DCTN5: variants seen among roughly 807,000 people sequenced by gnomAD.
The protein encoded by DCTN5 is dynactin subunit 5.
A neutral mutation model predicts 23.5 loss-of-function variants in DCTN5; 14 were observed. The ratio of observed to expected loss-of-function variants is 0.60; its 90% CI spans 0.39 to 0.93. The LOEUF is 0.93. Among genes scored for constraint, DCTN5 ranks in the 40% least tolerant of loss-of-function variants. The pLI is 0.00. For missense variants in DCTN5, 156 were observed against 225.9 expected (o/e 0.69, Z 1.98); for synonymous variants, 67 against 79.6 (o/e 0.84, Z 0.84).
chr16:23,655,684 A>G (rs1967691027), intron 2 of DCTN5, among the ~76,000 whole-genome samples: 1 of 151,928 alleles, frequency 6.6e-6, no homozygotes, highest in African/African-American at 2.4e-5. Flanking sequence ...AGCTGGGACT[A>G]CAGGTGCACA....
chr16:23,670,504 G>C lies in DCTN5; in HGVS notation c.*3360G>C, dbSNP rs1308638305. On this transcript the variant is annotated 3_prime_UTR_variant, in exon 6 of 6. Transcript: ENST00000300087. ...CTCTGTATCCTGTTCTATCCAGTGA[G>C]AGCCTAGAGGGTGCTGCCCAGCCAT... The C allele has an allele frequency of 6.6e-6, 1 of 152,154 alleles. No individual in the cohort carries two copies. The highest frequency in any genetic ancestry group is 6.5e-5 in the Admixed American group (1 of 15,276). 9.4% of individuals were successfully genotyped at this position (152,154 alleles called of 1,614,324 possible). A position where few individuals can be genotyped will look rare whatever the true frequency, so the allele number is the denominator to read the frequency against.
Position 23,669,133 on chromosome 16 carries a change from C to T in DCTN5, c.*1989C>T, listed in dbSNP as rs990746335. 2.0e-5 allele frequency: 3 copies of T among 152,666 alleles called. No homozygotes were observed. The highest frequency in any genetic ancestry group is 2.1e-4 in the South Asian group (1 of 4,838). The allele number at this position is 152,666 out of a possible 1,614,324, so 9.5% of individuals were successfully genotyped here. A position where few individuals can be genotyped will look rare whatever the true frequency, so the allele number is the denominator to read the frequency against. The stretch of plus-strand genomic sequence containing the variant: ...GGGACCTAGGAACAGCCTGTCACCA[C>T]ACAATTACTTTTATAACCCTGGAGA... On this transcript the variant is annotated 3_prime_UTR_variant, in exon 6 of 6. Transcript: ENST00000300087.
At chr16:23,645,198 G>A (rs1417879358) in intron 2 of DCTN5, among the ~76,000 whole-genome samples, 4 of 135,360 alleles carry the variant, frequency 3.0e-5, no homozygotes, top group Admixed American at 7.9e-5. Context: ...GCAATGGCAC[G>A]ATCTCGGCTC....
chr16:23,660,238 G>C (rs2140984316), intron 3 of DCTN5, among the ~76,000 whole-genome samples: 1 of 152,294 alleles, frequency 6.6e-6, no homozygotes, highest in East Asian at 1.9e-4. Flanking sequence ...GTAGAGGACA[G>C]GTATCATCTC....
rs536800803 is a variant in DCTN5, at chr16:23,662,413, G to T, written c.348+1132G>T. 7.2e-5 allele frequency among the ~76,000 whole-genome samples: 11 copies of T among 152,296 alleles called. No homozygotes were observed. In the South Asian group the frequency reaches 2.3e-3, roughly 32 times the overall value. Reference sequence around the variant, plus strand: ...ACCCAACCAAGGCTTAACAAGGTTGGATTTCCTGTGATTTCTTAGATGATG... The same window carrying T: ...ACCCAACCAAGGCTTAACAAGGTTGTATTTCCTGTGATTTCTTAGATGATG... On this transcript the variant is annotated intron_variant, in intron 4 of 5. Coordinates refer to ENST00000300087, the MANE Select transcript of DCTN5 (RefSeq NM_032486.4).
chr16:23,644,718 G>A (rs570720347), intron 2 of DCTN5, among the ~76,000 whole-genome samples: 1 of 151,686 alleles, frequency 6.6e-6, no homozygotes, highest in African/African-American at 2.4e-5. Flanking sequence ...TTACAGGCAT[G>A]AGCCACCACG....
Position 23,641,539 on chromosome 16 carries a change from G to A in DCTN5, c.-4G>A, listed in dbSNP as rs1347059705. On this transcript the variant is annotated 5_prime_UTR_variant, in exon 1 of 6. Coordinates refer to ENST00000300087, the MANE Select transcript of DCTN5 (RefSeq NM_032486.4). Reference sequence around the variant, plus strand: ...TCCGGGGCTGAGGGAAGGAGGCGGCGGCCATGGAGTTGGGCGAGCTGCTCT... The same window carrying A: ...TCCGGGGCTGAGGGAAGGAGGCGGCAGCCATGGAGTTGGGCGAGCTGCTCT... The A allele has an allele frequency of 8.7e-6, 14 of 1,613,964 alleles. No homozygotes were observed. Among genetic ancestry groups the A allele is most frequent in the South Asian group, 7.7e-5 (7 of 91,080 alleles).
chr16:23,654,972 A>G (rs957629349), intron 2 of DCTN5, among the ~76,000 whole-genome samples: 1 of 152,190 alleles, frequency 6.6e-6, no homozygotes, highest in African/African-American at 2.4e-5. Flanking sequence ...TTATGTATAT[A>G]TACTACATTT....
At chr16:23,649,669 C>T (rs1489300314) in intron 2 of DCTN5, among the ~76,000 whole-genome samples, 1 of 151,932 alleles carries the variant, frequency 6.6e-6, no homozygotes, top group African/African-American at 2.4e-5. Context: ...ATGGTGAAAC[C>T]CATCTTTACT....
Position 23,669,183 on chromosome 16 carries a change from A to G in DCTN5, c.*2039A>G, listed in dbSNP as rs1967960860. 6.6e-6 allele frequency: 1 copy of G among 152,468 alleles called. No homozygotes were observed. The highest frequency in any genetic ancestry group is 2.4e-5 in the African/African-American group (1 of 41,394). The allele number at this position is 152,468 out of a possible 1,614,324, so 9.4% of individuals were successfully genotyped here. A position where few individuals can be genotyped will look rare whatever the true frequency, so the allele number is the denominator to read the frequency against. ...ATGAAAATCTCCTTGTCCTCAAAAT[A>G]CTTCCAGAAGAACAACCAGATGGGA... On this transcript the variant is annotated 3_prime_UTR_variant, in exon 6 of 6. Coordinates refer to ENST00000300087, the MANE Select transcript of DCTN5 (RefSeq NM_032486.4).
At chr16:23,656,256 A>T (rs916129419) in intron 2 of DCTN5, among the ~76,000 whole-genome samples, 3 of 152,098 alleles carry the variant, frequency 2.0e-5, no homozygotes, top group African/African-American at 4.8e-5. Flanking sequence ...GTAGAGTATC[A>T]CTGTTATCAT....
intron 2 of DCTN5, among the ~76,000 whole-genome samples, chr16:23,652,385 T>C (rs868404433): frequency 6.6e-6 from 1 of 152,254 alleles, no homozygotes; most frequent in South Asian, 2.1e-4. Context: ...TTGCTTACCC[T>C]ATTGTAAATT....
chr16:23,651,120 TAATAAA>T, intron 2 of DCTN5: 1 of 1,294,002 alleles, frequency 7.7e-7, no homozygotes, highest in Non-Finnish European at 9.8e-7. Context: ...AAGAAATAAA[TAATAAA>T]AATGCTGCAT....
rs1052235332 is a variant in DCTN5, at chr16:23,670,946, A to C, written c.*3802A>C. ...TCCAAGCCACTACTAGGTGCCAAGCACTTCCTAGGTCCTGGGGATACAGTG... is the reference window on the plus strand; with the variant it reads ...TCCAAGCCACTACTAGGTGCCAAGCCCTTCCTAGGTCCTGGGGATACAGTG... On this transcript the variant is annotated 3_prime_UTR_variant, in exon 6 of 6. Coordinates refer to ENST00000300087, the MANE Select transcript of DCTN5 (RefSeq NM_032486.4). The C allele has an allele frequency of 1.1e-4, 17 of 152,222 alleles. No homozygotes were observed. The highest frequency in any genetic ancestry group is 4.1e-4 in the African/African-American group (17 of 41,452). The allele number at this position is 152,222 out of a possible 1,614,324, so 9.4% of individuals were successfully genotyped here. A position where few individuals can be genotyped will look rare whatever the true frequency, so the allele number is the denominator to read the frequency against.
At chr16:23,663,063 CTT>C (rs1397593317) in intron 4 of DCTN5, among the ~76,000 whole-genome samples, 3 of 152,214 alleles carry the variant, frequency 2.0e-5, no homozygotes, top group Admixed American at 2.0e-4. Flanking sequence ...GGAAGTAACT[CTT>C]TTAGTCCAGC....
intron 2 of DCTN5, chr16:23,650,630 G>A (rs894753416): frequency 1.4e-5 from 13 of 904,880 alleles, no homozygotes; most frequent in Admixed American, 9.7e-5. Context: ...CGGCTGGCCC[G>A]TCTGTGCATT....
chr16:23,657,468 C>T (rs183859080), intron 2 of DCTN5: 3 of 438,244 alleles, frequency 6.8e-6, no homozygotes, highest in East Asian at 1.7e-4. Flanking sequence ...AAAGCAAAAT[C>T]TCACTCTTTT....
At chr16:23,648,376 G>A (rs1405525671) in intron 2 of DCTN5, among the ~76,000 whole-genome samples, 1 of 131,106 alleles carries the variant, frequency 7.6e-6, no homozygotes, top group African/African-American at 3.0e-5. Context: ...TAGAGACACA[G>A]TCTCGCTGTG....
At chr16:23,650,633 T>G (rs950285102) in intron 2 of DCTN5, 4 of 933,108 alleles carry the variant, frequency 4.3e-6, no homozygotes, top group Non-Finnish European at 6.4e-6. Context: ...CTGGCCCGTC[T>G]GTGCATTTTC....
Sources: allele counts gnomAD v4.1 joint callset (sites outside exome capture counted in the v4.1 genomes callset), GRCh38; gene constraint gnomAD v4.1.1; transcripts MANE v1.5; gene names NCBI Gene and HGNC (gene_info 2026-07-23, HGNC 2026-07-21).